FAM149A: variants seen among roughly 807,000 people sequenced by gnomAD.
FAM149A encodes the protein family with sequence similarity 149 member A.
Under a neutral mutation model 78.2 loss-of-function variants are expected in FAM149A, and 71 were observed. That is an observed-to-expected ratio of 0.91 (90% confidence interval 0.75 to 1.11). The LOEUF (loss-of-function observed/expected upper bound fraction) is 1.11. FAM149A is among the 50% of genes least tolerant of loss of function. The probability of loss-of-function intolerance (pLI) is 0.00; values close to 1 mark genes in which losing one functional copy is unlikely to be tolerated. For synonymous variants in FAM149A, 446 were observed against 410.5 expected, an observed-to-expected ratio of 1.09 and a Z score of -1.04; for missense variants, 1,036 against 971.0, an observed-to-expected ratio of 1.07 and a Z score of -0.89.
chr4:186,160,864 A>G, intron 8 of FAM149A: 1 of 985,348 alleles, frequency 1.0e-6, no homozygotes, highest in Non-Finnish European at 1.2e-6. Context: ...ATAGACTACT[A>G]GTTCTGGGCT....
In FAM149A at chr4:186,166,997, G is replaced by T. The variant is rs1186006339; in HGVS notation, c.2040G>T (p.Val680=). 14 of 1,614,100 alleles carry T rather than the reference G, an allele frequency of 8.7e-6. No individual in the cohort carries two copies. The highest frequency in any genetic ancestry group is 1.2e-5 in the Non-Finnish European group (14 of 1,179,976). The change falls in exon 12 of 14, where the codon GTG becomes GTT. Residue 680 remains valine (V), a synonymous_variant. Transcript: ENST00000389354. ...GAGGAAGGCATCTACAAAACCGTGT[G>T]TTGAGTGCCATGCCTGACGGTACAG...
At chr4:186,126,526 G>A (rs1422598655) in intron 1 of FAM149A, among the ~76,000 whole-genome samples, 1 of 152,176 alleles carries the variant, frequency 6.6e-6, no homozygotes, top group Non-Finnish European at 1.5e-5. Context: ...CAGAGGAAGG[G>A]CGAATTCTCT....
intron 1 of FAM149A, among the ~76,000 whole-genome samples, chr4:186,111,166 T>C (rs1361192493): frequency 6.7e-6 from 1 of 148,852 alleles, no homozygotes; most frequent in Non-Finnish European, 1.5e-5. Flanking sequence ...CATTTTTTCA[T>C]GTGTTTTTTG....
At chr4:186,120,922 C>T (rs1287324005) in intron 1 of FAM149A, among the ~76,000 whole-genome samples, 2 of 126,608 alleles carry the variant, frequency 1.6e-5, no homozygotes, top group African/African-American at 5.9e-5. Flanking sequence ...GGCGCTATCT[C>T]GGCTCGCTGC....
At chr4:186,167,515 A>C (rs1009904931) in intron 13 of FAM149A, 4 of 163,636 alleles carry the variant, frequency 2.4e-5, no homozygotes, top group East Asian at 1.3e-4. Flanking sequence ...CTCACTCAAA[A>C]AAAAAAAAAA....
chr4:186,106,557 A>G (rs2099308827), intron 1 of FAM149A, among the ~76,000 whole-genome samples: 1 of 152,128 alleles, frequency 6.6e-6, no homozygotes, highest in Non-Finnish European at 1.5e-5. Flanking sequence ...TACTCCCTCC[A>G]AAAAATCCTG....
intron 1 of FAM149A, among the ~76,000 whole-genome samples, chr4:186,129,111 CTGTG>C (rs1196057001): frequency 1.3e-5 from 2 of 149,010 alleles, no homozygotes; most frequent in Middle Eastern, 3.5e-3. Flanking sequence ...CTCTCTGTGT[CTGTG>C]TATGAGTGTG....
chr4:186,124,852 A>G (rs1243458877), intron 1 of FAM149A, among the ~76,000 whole-genome samples: 1 of 152,116 alleles, frequency 6.6e-6, no homozygotes, highest in Non-Finnish European at 1.5e-5. Flanking sequence ...GTCTTCCACA[A>G]TGGTTGAACT....
chr4:186,125,170 A>G (rs2099317773), intron 1 of FAM149A: 1 of 726,948 alleles, frequency 1.4e-6, no homozygotes, highest in African/African-American at 1.9e-5. Flanking sequence ...CAATGACTGG[A>G]CTATTGGAAA....
chr4:186,123,654 G>A (rs1315281187), intron 1 of FAM149A: 2 of 235,568 alleles, frequency 8.5e-6, no homozygotes, highest in African/African-American at 4.6e-5. Context: ...TGGGGTCCAG[G>A]AAACAGACAT....
intron 4 of FAM149A, chr4:186,153,261 T>C (rs1400553180): frequency 2.0e-6 from 2 of 978,556 alleles, no homozygotes; most frequent in Admixed American, 6.2e-5. Flanking sequence ...TGTATTCTTG[T>C]TATGTTTGTG....
At chr4:186,153,604 G>C in intron 4 of FAM149A, 41 bp from the exon 5 acceptor site, 1 of 1,592,068 alleles carries the variant, frequency 6.3e-7, no homozygotes, top group Non-Finnish European at 8.6e-7. Context: ...TTTTCCCTTT[G>C]TCTGATCAAA....
At chr4:186,141,034 ATTC>A (rs1689456682) in intron 1 of FAM149A, among the ~76,000 whole-genome samples, 2 of 152,354 alleles carry the variant, frequency 1.3e-5, no homozygotes, top group South Asian at 4.1e-4. Flanking sequence ...AAGAATAGCC[ATTC>A]TGACTGATGT....
At chr4:186,118,908 C>T (rs899580712) in intron 1 of FAM149A, among the ~76,000 whole-genome samples, 1 of 152,050 alleles carries the variant, frequency 6.6e-6, no homozygotes, top group Non-Finnish European at 1.5e-5. Context: ...GTTTTGTTTT[C>T]TTTTGACATA....
In FAM149A at chr4:186,156,086, G is replaced by A. The variant is rs1734016293; in HGVS notation, c.1316G>A (p.Cys439Tyr). 6.2e-7 allele frequency: 1 copy of A among 1,613,990 alleles called. No individual in the cohort carries two copies. The highest frequency in any genetic ancestry group is 8.5e-7 in the Non-Finnish European group (1 of 1,179,890). ...CTTCCTCCTGTTTCCCCGCGTGACTGTGTCAAAGATGCCGTGGCAGCAGAA... is the reference window on the plus strand; with the variant it reads ...CTTCCTCCTGTTTCCCCGCGTGACTATGTCAAAGATGCCGTGGCAGCAGAA... Residue 439 changes from cysteine to tyrosine, a missense_variant, in exon 7 of 14, where the codon TGT (cysteine) becomes TAT (tyrosine). Physicochemically the swap from Cys to Tyr is radical, Grantham distance 194 (BLOSUM62 -2). Around this residue, in one of 3 missense-constraint regions of FAM149A, gnomAD observed 716 missense variants for 711.8 expected, o/e 1.01. Coordinates refer to ENST00000389354, the MANE Select transcript of FAM149A (RefSeq NM_001367768.3).
intron 8 of FAM149A, chr4:186,158,273 C>A (rs550280017): frequency 1.6e-6 from 2 of 1,229,334 alleles, no homozygotes; most frequent in South Asian, 2.9e-5. Context: ...CCCAGGCGAC[C>A]ACCAGCCTCT....
At chr4:186,152,608 G>A (rs542865628) in intron 4 of FAM149A, among the ~76,000 whole-genome samples, 175 of 139,740 alleles carry the variant, frequency 1.3e-3, no homozygotes, top group African/African-American at 4.5e-3. Context: ...GCAGTGGCGC[G>A]ATCTCAGCTC....
chr4:186,113,153 C>T (rs80327362), intron 1 of FAM149A, among the ~76,000 whole-genome samples: 39,521 of 40,832 alleles, frequency 0.97, 19,251 homozygotes, highest in East Asian at 1. Flanking sequence ...GGAATTTATC[C>T]ATTTCTTCTA....
At chr4:186,132,841 G>C (rs1312096607) in intron 1 of FAM149A, 1 of 310,518 alleles carries the variant, frequency 3.2e-6, no homozygotes, top group Non-Finnish European at 4.7e-6. Flanking sequence ...TTCAGCTTAA[G>C]TGTTTCCTTT....
Sources: allele counts gnomAD v4.1 joint callset (sites outside exome capture counted in the v4.1 genomes callset), GRCh38; gene constraint gnomAD v4.1.1; regional missense constraint gnomAD v4.1.1; transcripts MANE v1.5; gene names NCBI Gene and HGNC (gene_info 2026-07-23, HGNC 2026-07-21).